The following EIF3B variants were observed in gnomAD, a reference collection of about 807,000 sequenced individuals.
EIF3B encodes eukaryotic translation initiation factor 3 subunit 9.
A neutral mutation model predicts 104.6 loss-of-function variants in EIF3B; 10 were observed. The observed-to-expected ratio is 0.10, with a 90% confidence interval of 0.06 to 0.16. EIF3B has a LOEUF of 0.16. Ranked by LOEUF, EIF3B falls within the 10% of genes least tolerant of loss-of-function variation. EIF3B has a pLI of 1.00. For missense variants in EIF3B, 1,014 were observed against 1,087.9 expected (o/e 0.93, Z 0.96); for synonymous variants, 542 against 417.2 (o/e 1.30, Z -3.65).
In EIF3B at chr7:2,379,194, C is replaced by G. The variant is rs1271094192; in HGVS notation, c.2293C>G (p.Gln765Glu). ...TTTCCGGAAGTACCGGAAAATGGCC[C>G]AGGAGCTCTATATGGAGCAGAAAAA... is the stretch of plus-strand genomic sequence containing the variant. Reference protein sequence around the residue: ...EDFRKYRKMAQELYMEQKNER... With the variant: ...EDFRKYRKMAEELYMEQKNER... Residue 765 changes from glutamine to glutamate, a missense_variant, in exon 17 of 19, where the codon CAG becomes GAG. Transcript: ENST00000360876. The G allele has an allele frequency of 6.2e-7, 1 of 1,613,766 alleles. No individual in the cohort carries two copies. The highest frequency in any genetic ancestry group is 1.1e-5 in the South Asian group (1 of 91,036).
intron 5 of EIF3B, among the ~76,000 whole-genome samples, chr7:2,364,107 A>G (rs1252313047): frequency 6.6e-6 from 1 of 152,104 alleles, no homozygotes; most frequent in Non-Finnish European, 1.5e-5. Flanking sequence ...TAAAAATACA[A>G]AAAAATTAGC....
chr7:2,373,094 C>A, intron 12 of EIF3B: 1 of 228,286 alleles, frequency 4.4e-6, no homozygotes, highest in South Asian at 1.2e-4. Context: ...AGCTGCTGTC[C>A]CTGGGCTTGG....
In EIF3B at chr7:2,363,757, A is replaced by G; in HGVS notation, c.996A>G (p.Arg332=). Residue 332 remains arginine (R), a synonymous_variant, in exon 5 of 19, where the codon AGA becomes AGG. Coordinates refer to ENST00000360876, the MANE Select transcript of EIF3B (RefSeq NM_001037283.2). ...AAGACCCTGTCTCAATTGAAGAAAG[A>G]GCGGTGTGTATTTGCTGCTGCTGGG... is the stretch of plus-strand genomic sequence containing the variant. ...DVKDPVSIEE[R]ARWTETYVRW... 1.2e-6 allele frequency: 2 copies of G among 1,613,220 alleles called. No homozygotes were observed. The highest frequency in any genetic ancestry group is 2.2e-5 in the South Asian group (2 of 90,920).
Position 2,377,006 on chromosome 7 carries a change from C to T in EIF3B, c.2085C>T (p.Asn695=), listed in dbSNP as rs767597851. 9.3e-6 allele frequency: 15 copies of T among 1,613,924 alleles called. No homozygotes were observed. The South Asian group carries it at 1.6e-4, about 18-fold the overall frequency. Residue 695 remains asparagine, a synonymous_variant, in exon 15 of 19, where the codon AAC becomes AAT. Transcript: ENST00000360876. ...AGGGACGCCTCCTGCAGAAGAACAACAAGGACCGCTTCTGCCAGCTGCTGT... is the reference window on the plus strand; with the variant it reads ...AGGGACGCCTCCTGCAGAAGAACAATAAGGACCGCTTCTGCCAGCTGCTGT... ...TFQGRLLQKN[N]KDRFCQLLWR... is the part of the protein sequence containing the mutation.
At chr7:2,364,058 G>T (rs60775658) in intron 5 of EIF3B, among the ~76,000 whole-genome samples, 2,132 of 152,188 alleles carry the variant, frequency 0.014, 40 homozygotes, top group African/African-American at 0.044. Context: ...TCAGGAGATT[G>T]AGACCATCCT....
intron 1 of EIF3B, 105 bp from the exon 2 acceptor site, chr7:2,360,605 T>G: frequency 1.1e-6 from 1 of 923,612 alleles, no homozygotes; most frequent in Non-Finnish European, 1.6e-6. Context: ...TGAAAGCATT[T>G]AGACAATTCA....
chr7:2,366,349 C>T lies in EIF3B; in HGVS notation c.1190C>T (p.Thr397Met), dbSNP rs371006035. ...GTGACCTTTAGCCCCCTGATGGACACGCAGGATGACCCTCAGGCCATAATC... is the reference window on the plus strand; with the variant it reads ...GTGACCTTTAGCCCCCTGATGGACATGCAGGATGACCCTCAGGCCATAATC... ...YLVTFSPLMDTQDDPQAIIIW... is the reference protein window; with the variant it reads ...YLVTFSPLMDMQDDPQAIIIW... Residue 397 changes from threonine to methionine, a missense_variant, in exon 7 of 19, where the codon ACG becomes ATG. By Grantham distance (81) the Thr-to-Met change is moderately conservative. Coordinates refer to ENST00000360876, the MANE Select transcript of EIF3B (RefSeq NM_001037283.2). 5.5e-5 allele frequency: 88 copies of T among 1,612,740 alleles called. No individual in the cohort carries two copies. The highest frequency in any genetic ancestry group is 6.4e-5 in the Non-Finnish European group (76 of 1,179,496).
In EIF3B at chr7:2,378,315, T is replaced by C. The variant is rs71525376; in HGVS notation, c.2155-374T>C. The C allele has an allele frequency of 2.3e-3, 519 of 230,208 alleles. 1 individual carries two copies. The highest frequency in any genetic ancestry group is 0.011 in the African/African-American group (317 of 29,180). 14.3% of individuals were successfully genotyped at this position (230,208 alleles called of 1,614,324 possible). On this transcript the variant is annotated intron_variant, in intron 15 of 18. Coordinates refer to ENST00000360876, the MANE Select transcript of EIF3B (RefSeq NM_001037283.2). ...TCATGGAGGAAGGAACAGGCGAGCG[T>C]TCCTGGGATGCTGTGTTGTGTGAAT...
intron 18 of EIF3B, 49 bp downstream of exon 18, chr7:2,379,560 T>G: frequency 1.7e-6 from 2 of 1,190,798 alleles, no homozygotes; most frequent in Non-Finnish European, 2.4e-6. Context: ...CTGCTCATGC[T>G]GCTTCAGTTA....
chr7:2,380,472 G>A lies in EIF3B; in HGVS notation c.*283G>A, dbSNP rs557981032. ...CCCGCTTCCACTTCTTTCTTGTTTG[G>A]AGTTTTCTGTTGGAACCGCCGGCGT... On this transcript the variant is annotated 3_prime_UTR_variant, in exon 19 of 19. Coordinates refer to ENST00000360876, the MANE Select transcript of EIF3B (RefSeq NM_001037283.2). The A allele has an allele frequency of 3.8e-4, 194 of 504,408 alleles. No homozygotes were observed. Among genetic ancestry groups the A allele is most frequent in the African/African-American group, 3.5e-3 (178 of 51,358 alleles). 31.2% of individuals were successfully genotyped at this position (504,408 alleles called of 1,614,324 possible).
intron 10 of EIF3B, among the ~76,000 whole-genome samples, 196 bp from the exon 11 acceptor site, chr7:2,371,581 A>G (rs1171293532): frequency 6.6e-6 from 1 of 152,164 alleles, no homozygotes; most frequent in Non-Finnish European, 1.5e-5. Flanking sequence ...GGCTTCCAGT[A>G]GACGTGGTGC....
At chr7:2,365,560 G>A (rs1443801008) in intron 6 of EIF3B, among the ~76,000 whole-genome samples, 2 of 152,194 alleles carry the variant, frequency 1.3e-5, no homozygotes, top group Admixed American at 6.5e-5. Context: ...AGACAAGCCA[G>A]CAGTCAGGTA....
At chr7:2,374,648 G>A (rs762566730) in intron 13 of EIF3B, 42 bp downstream of exon 13, 12 of 1,581,994 alleles carry the variant, frequency 7.6e-6, no homozygotes, top group African/African-American at 4.0e-5. Flanking sequence ...TGTGAGTAGC[G>A]CTCTGCTGTG....
chr7:2,379,701 C>T lies in EIF3B; in HGVS notation c.*14+190C>T, dbSNP rs1050426933. On this transcript the variant is annotated intron_variant, in intron 18 of 18. Coordinates refer to ENST00000360876, the MANE Select transcript of EIF3B (RefSeq NM_001037283.2). ...GCCGACGTGGCCTCGACTGCGCCCTCTGACCACATTGCAGATGGCGCCTTT... is the reference window on the plus strand; with the variant it reads ...GCCGACGTGGCCTCGACTGCGCCCTTTGACCACATTGCAGATGGCGCCTTT... The T allele has an allele frequency of 5.2e-6, 3 of 575,794 alleles. No homozygotes were observed. The Admixed American group carries it at 9.1e-5, about 17-fold the overall frequency. 35.7% of individuals were successfully genotyped at this position (575,794 alleles called of 1,614,324 possible). A position where few individuals can be genotyped will look rare whatever the true frequency, so the allele number is the denominator to read the frequency against.
At chr7:2,354,451 TA>T (rs1357316825), upstream of EIF3B, 1 of 152,150 alleles carries the variant, frequency 6.6e-6, no homozygotes, top group Non-Finnish European at 1.5e-5. Context: ...TCTTCCAGGG[TA>T]TTAACTGTTG....
chr7:2,365,345 C>G (rs1779948786), intron 6 of EIF3B, among the ~76,000 whole-genome samples: 2 of 152,106 alleles, frequency 1.3e-5, no homozygotes, highest in South Asian at 2.1e-4. Flanking sequence ...TGGGGCCACT[C>G]TAGGGAAAGG....
At chr7:2,356,539 C>T (rs1779451255) in intron 1 of EIF3B, among the ~76,000 whole-genome samples, 1 of 148,166 alleles carries the variant, frequency 6.7e-6, no homozygotes, top group Non-Finnish European at 1.5e-5. Context: ...GGAGGCGGAG[C>T]TTGCAGTGAG....
rs1275502302 is a variant in EIF3B at position 2,355,027 on chromosome 7, C to T, written c.106C>T (p.Arg36Trp). The T allele has an allele frequency of 1.7e-6, 2 of 1,189,938 alleles. No individual in the cohort carries two copies. Among genetic ancestry groups the T allele is most frequent in the Non-Finnish European group, 2.1e-6 (2 of 962,122 alleles). 73.7% of individuals were successfully genotyped at this position (1,189,938 alleles called of 1,614,324 possible). Residue 36 changes from arginine (R) to tryptophan (W), a missense_variant, in exon 1 of 19, where the codon CGG becomes TGG. Arg to Trp is a moderately radical substitution (Grantham distance 101). Around this residue, in one of 4 missense-constraint regions of EIF3B, gnomAD observed 488 missense variants for 404.3 expected, o/e 1.21. Coordinates refer to ENST00000360876, the MANE Select transcript of EIF3B (RefSeq NM_001037283.2). ...GCCGCCGCCAGCCGAGGGGCTGCTG[C>T]GGCCCGCGGGGCCCGGCGCTCCGGA... is the stretch of plus-strand genomic sequence containing the variant. ...AEPPPAEGLL[R>W]PAGPGAPEAA...
At chr7:2,370,610 G>A (rs1435091708) in intron 10 of EIF3B, among the ~76,000 whole-genome samples, 1 of 152,180 alleles carries the variant, frequency 6.6e-6, no homozygotes, top group Non-Finnish European at 1.5e-5. Context: ...AACTGGTTCA[G>A]TGGTTTTTCG....
Sources: allele counts gnomAD v4.1 joint callset (sites outside exome capture counted in the v4.1 genomes callset), GRCh38; gene constraint gnomAD v4.1.1; regional missense constraint gnomAD v4.1.1; transcripts MANE v1.5; gene names NCBI Gene and HGNC (gene_info 2026-07-23, HGNC 2026-07-21).